CHRM3: variants seen among roughly 807,000 people sequenced by gnomAD.
CHRM3 encodes cholinergic receptor muscarinic 3.
A neutral mutation model predicts 41.8 loss-of-function variants in CHRM3; 11 were observed. That is an observed-to-expected ratio of 0.26 (90% confidence interval 0.17 to 0.44). The LOEUF is 0.44. Among genes scored for constraint, CHRM3 ranks in the 20% least tolerant of loss-of-function variants. The pLI, the probability that CHRM3 is intolerant of heterozygous loss-of-function variation, is 1.00. For synonymous variants in CHRM3, 297 were observed against 301.4 expected, an observed-to-expected ratio of 0.99 and a Z score of 0.15; for missense variants, 571 against 745.4, an observed-to-expected ratio of 0.77 and a Z score of 2.72.
At chr1:239,809,747 C>T (rs775779080) in intron 5 of CHRM3, among the ~76,000 whole-genome samples, 2 of 152,080 alleles carry the variant, frequency 1.3e-5, no homozygotes, top group Non-Finnish European at 2.9e-5. Context: ...TATCCTCTTG[C>T]CTCGGCCTCC....
chr1:239,896,301 C>T (rs1452290784), intron 6 of CHRM3, among the ~76,000 whole-genome samples: 13 of 152,210 alleles, frequency 8.5e-5, no homozygotes. Context: ...ACCACCACAT[C>T]AACTCAAGCA....
At chr1:239,897,243 C>G (rs1381299083) in intron 6 of CHRM3, among the ~76,000 whole-genome samples, 6 of 151,988 alleles carry the variant, frequency 3.9e-5, no homozygotes, top group Non-Finnish European at 8.8e-5. Context: ...AGGCTGAAGT[C>G]TGAAGGGAAA....
At chr1:239,444,161 A>AGGCT (rs1358006831) in intron 1 of CHRM3, among the ~76,000 whole-genome samples, 2 of 152,122 alleles carry the variant, frequency 1.3e-5, no homozygotes, top group Admixed American at 6.6e-5. Context: ...AAAACGCCCG[A>AGGCT]GGCTGGCTGT....
chr1:239,465,293 G>A (rs1442746172), intron 1 of CHRM3, among the ~76,000 whole-genome samples: 2 of 152,050 alleles, frequency 1.3e-5, no homozygotes. Context: ...TTATGAGATA[G>A]CAAAGAAAAG....
At chr1:239,602,120 A>ATC (rs1274529526) in intron 3 of CHRM3, among the ~76,000 whole-genome samples, 3 of 56,172 alleles carry the variant, frequency 5.3e-5, no homozygotes, top group Non-Finnish European at 1.5e-4. Flanking sequence ...GTATATATAT[A>ATC]TATATATATA....
In CHRM3 at chr1:239,875,855, A is replaced by G. The variant is rs147450971; in HGVS notation, c.-19-31578A>G. ...CTTCCAAGGCAATATCAAATGAATT[A>G]AAAGGCAGCAATTTACATTGAATTG... On this transcript the variant is annotated intron_variant, in intron 6 of 6. Coordinates refer to ENST00000676153, the MANE Select transcript of CHRM3 (RefSeq NM_001375978.1). Among the ~76,000 whole-genome samples, 398 of 152,342 alleles carry G rather than the reference A, an allele frequency of 2.6e-3. 2 individuals are homozygous for G. Among genetic ancestry groups the G allele is most frequent in the African/African-American group, 8.8e-3 (366 of 41,580 alleles).
chr1:239,505,887 G>A (rs1421838182), intron 2 of CHRM3, among the ~76,000 whole-genome samples: 1 of 152,182 alleles, frequency 6.6e-6, no homozygotes, highest in Non-Finnish European at 1.5e-5. Flanking sequence ...ATGGAGATGA[G>A]GAACTTCTTA....
intron 4 of CHRM3, among the ~76,000 whole-genome samples, chr1:239,634,377 G>T (rs915577442): frequency 9.0e-6 from 1 of 110,826 alleles, no homozygotes; most frequent in South Asian, 3.2e-4. Flanking sequence ...AAGAACAAAC[G>T]AAAGAAAGAA....
chr1:239,796,858 C>T (rs1188776984), intron 5 of CHRM3, among the ~76,000 whole-genome samples: 1 of 152,110 alleles, frequency 6.6e-6, no homozygotes, highest in Non-Finnish European at 1.5e-5. Context: ...CACTCTCCCA[C>T]CCTTTGGAGT....
rs1276573606 is a variant in CHRM3 at position 239,477,595 on chromosome 1, T to G, written c.-520-15114T>G. On this transcript the variant is annotated intron_variant, in intron 1 of 6. Coordinates refer to ENST00000676153, the MANE Select transcript of CHRM3 (RefSeq NM_001375978.1). ...CTTTAAATATCTACATGACAGCTCATGTACTGGCTTAGAATCCTGAAGATC... is the reference window on the plus strand; with the variant it reads ...CTTTAAATATCTACATGACAGCTCAGGTACTGGCTTAGAATCCTGAAGATC... Among the ~76,000 whole-genome samples, 7 of 152,180 alleles carry G rather than the reference T, an allele frequency of 4.6e-5. No homozygotes were observed. The East Asian group carries it at 1.3e-3, about 29-fold the overall frequency.
intron 3 of CHRM3, among the ~76,000 whole-genome samples, chr1:239,557,670 T>A (rs1660490221): frequency 6.6e-6 from 1 of 152,160 alleles, no homozygotes; most frequent in Non-Finnish European, 1.5e-5. Context: ...CAGTGTGTGT[T>A]GTTCCCCTCC....
At chr1:239,884,248 C>T (rs567991663) in intron 6 of CHRM3, among the ~76,000 whole-genome samples, 1 of 152,194 alleles carries the variant, frequency 6.6e-6, no homozygotes, top group African/African-American at 2.4e-5. Context: ...GGCCCGAAAT[C>T]CAATAACAGG....
intron 4 of CHRM3, among the ~76,000 whole-genome samples, chr1:239,644,335 C>T (rs1671536736): frequency 6.6e-6 from 1 of 152,120 alleles, no homozygotes; most frequent in Non-Finnish European, 1.5e-5. Context: ...CACCCATTTC[C>T]CACCCACCCG....
At chr1:239,783,855 C>T (rs1346429790) in intron 5 of CHRM3, among the ~76,000 whole-genome samples, 3 of 152,118 alleles carry the variant, frequency 2.0e-5, no homozygotes, top group Non-Finnish European at 2.9e-5. Flanking sequence ...ACCCTTTCCC[C>T]ACTTCCACTC....
intron 5 of CHRM3, among the ~76,000 whole-genome samples, chr1:239,682,220 GC>G (rs1465210074): frequency 1.3e-5 from 2 of 152,154 alleles, no homozygotes; most frequent in Admixed American, 1.3e-4. Flanking sequence ...AGATGGACTG[GC>G]CTCGTGTACA....
At chr1:239,569,439 A>G (rs1661637398) in intron 3 of CHRM3, among the ~76,000 whole-genome samples, 1 of 152,218 alleles carries the variant, frequency 6.6e-6, no homozygotes, top group East Asian at 1.9e-4. Context: ...AAAAACTTTC[A>G]TAATTATGGC....
chr1:239,597,596 T>A (rs866353523), intron 3 of CHRM3, among the ~76,000 whole-genome samples: 2 of 152,142 alleles, frequency 1.3e-5, no homozygotes, highest in South Asian at 4.1e-4. Flanking sequence ...ATCATTACAA[T>A]ACTAACTTGT....
chr1:239,701,047 C>A (rs982417719), intron 5 of CHRM3, among the ~76,000 whole-genome samples: 1 of 152,150 alleles, frequency 6.6e-6, no homozygotes, highest in Non-Finnish European at 1.5e-5. Context: ...CTACCCTTTA[C>A]TTTTATTTAC....
intron 1 of CHRM3, among the ~76,000 whole-genome samples, chr1:239,398,286 A>G (rs1433740234): frequency 1.3e-5 from 2 of 152,054 alleles, no homozygotes; most frequent in Admixed American, 1.3e-4. Context: ...CCCAGGCTGG[A>G]GTACAATGGC....
Sources: allele counts gnomAD v4.1 joint callset (sites outside exome capture counted in the v4.1 genomes callset), GRCh38; gene constraint gnomAD v4.1.1; transcripts MANE v1.5; gene names NCBI Gene and HGNC (gene_info 2026-07-23, HGNC 2026-07-21).